The following PCDHGB5 variants were observed in gnomAD, a reference collection of about 807,000 sequenced individuals.
PCDHGB5 encodes the protein protocadherin gamma-B5.
In PCDHGB5, 48 loss-of-function variants were observed where a neutral mutation model predicts 62.9. That is an observed-to-expected ratio of 0.76 (90% CI 0.61 to 0.97). The LOEUF is 0.97. Among genes scored for constraint, PCDHGB5 ranks in the 50% least tolerant of loss-of-function variants. PCDHGB5 has a pLI of 0.00. For synonymous variants in PCDHGB5, 474 were observed against 511.2 expected, an observed-to-expected ratio of 0.93 and a Z score of 0.98; for missense variants, 1,118 against 1,198.6, an observed-to-expected ratio of 0.93 and a Z score of 0.99.
In PCDHGB5 at chr5:141,399,194, C is replaced by T. The variant is rs770516092; in HGVS notation, c.1067C>T (p.Ala356Val). 2 of 1,613,838 alleles carry T rather than the reference C, an allele frequency of 1.2e-6. No homozygotes were observed. Among genetic ancestry groups the T allele is most frequent in the South Asian group, 1.1e-5 (1 of 91,080 alleles). ...CTACTTGAAATGATTCTGGAAAACG[C>T]GGTGCCTGGAACACTAATTGCTTTG... is the stretch of plus-strand genomic sequence containing the variant. ...HSLLEMILEN[A>V]VPGTLIALIK... The change falls in exon 1 of 4, where the codon GCG becomes GTG. Residue 356 changes from alanine to valine, a missense_variant. Coordinates refer to ENST00000617380, the MANE Select transcript of PCDHGB5 (RefSeq NM_018925.3).
At chr5:141,494,768 C>T (rs758949982) in intron 1 of PCDHGB5, 39 bp from the exon 2 acceptor site, 1 of 1,614,060 alleles carries the variant, frequency 6.2e-7, no homozygotes, top group South Asian at 1.1e-5. Flanking sequence ...TCTAACTTCT[C>T]ACGGGTACTC....
chr5:141,474,505 A>G (rs2099350724), intron 1 of PCDHGB5, among the ~76,000 whole-genome samples: 2 of 152,248 alleles, frequency 1.3e-5, no homozygotes, highest in Admixed American at 6.5e-5. Context: ...AATGCCTATC[A>G]GCCCTCTTGC....
chr5:141,410,852 T>A, intron 1 of PCDHGB5: 1 of 284,264 alleles, frequency 3.5e-6, no homozygotes. Context: ...TCTTTGTCTT[T>A]TTTTTTTTTT....
At chr5:141,408,527 G>A in intron 1 of PCDHGB5, 1 of 1,614,072 alleles carries the variant, frequency 6.2e-7, no homozygotes, top group South Asian at 1.1e-5. Flanking sequence ...ATTGGAAGCT[G>A]TGGTGGAAAA....
At chr5:141,478,425 A>G (rs1454100826) in intron 1 of PCDHGB5, 1 of 1,613,542 alleles carries the variant, frequency 6.2e-7, no homozygotes, top group African/African-American at 1.3e-5. Context: ...CGCCGCAGCG[A>G]CCCGCTGCTG....
At chr5:141,459,910 A>G (rs2098977946) in intron 1 of PCDHGB5, among the ~76,000 whole-genome samples, 2 of 152,042 alleles carry the variant, frequency 1.3e-5, no homozygotes, top group Non-Finnish European at 1.5e-5. Context: ...GAGCTATGGG[A>G]GTTTTAAAAT....
chr5:141,500,176 A>ATTTT (rs1468241826), intron 2 of PCDHGB5, among the ~76,000 whole-genome samples: 91 of 145,916 alleles, frequency 6.2e-4, no homozygotes, highest in African/African-American at 2.3e-3. Context: ...CATGAGCTTC[A>ATTTT]TTTTTATTTT....
chr5:141,509,060 T>G (rs2099874519), intron 3 of PCDHGB5, among the ~76,000 whole-genome samples: 1 of 152,216 alleles, frequency 6.6e-6, no homozygotes, highest in Middle Eastern at 3.4e-3. Flanking sequence ...CAGAAAGCTC[T>G]CAGCTCCGGG....
rs376526750 is a variant in PCDHGB5 at position 141,476,593 on chromosome 5, G to T, written c.2398-18214G>T. The T allele has an allele frequency of 8.5e-5, 138 of 1,614,104 alleles. No individual in the cohort carries two copies. The highest frequency in any genetic ancestry group is 1.1e-4 in the Non-Finnish European group (133 of 1,180,044). On this transcript the variant is annotated intron_variant, in intron 1 of 3. Transcript: ENST00000617380. The surrounding 1 kb of genome is among the most constrained non-coding windows in gnomAD (Gnocchi z 7.6). ...GGACGCGCTTTCCGCTCGAGAGCGCGCACGATCCCGATGTGGGAAGCAACT... is the reference window on the plus strand; with the variant it reads ...GGACGCGCTTTCCGCTCGAGAGCGCTCACGATCCCGATGTGGGAAGCAACT...
At chr5:141,494,972 C>A in intron 2 of PCDHGB5, 107 bp downstream of exon 2, 1 of 1,581,852 alleles carries the variant, frequency 6.3e-7, no homozygotes, top group South Asian at 1.1e-5. Flanking sequence ...TGGCTTCTCC[C>A]TCAGTTTGAG....
At chr5:141,478,283 T>C (rs755297808) in intron 1 of PCDHGB5, 2 of 1,614,148 alleles carry the variant, frequency 1.2e-6, no homozygotes, top group South Asian at 2.2e-5. Context: ...GTGGAAGCAG[T>C]CTAGAGACCT....
chr5:141,450,815 A>AT (rs1554136868), intron 1 of PCDHGB5, among the ~76,000 whole-genome samples: 4,329 of 126,688 alleles, frequency 0.034, 70 homozygotes, highest in Middle Eastern at 0.091. Flanking sequence ...TATTTATTTA[A>AT]TATTATTATT....
chr5:141,447,356 C>T (rs1158878203), intron 1 of PCDHGB5, among the ~76,000 whole-genome samples: 4 of 152,000 alleles, frequency 2.6e-5, no homozygotes, highest in African/African-American at 9.7e-5. Context: ...TCAGGCTGGT[C>T]TCAAACTCCT....
At chr5:141,420,018 G>A (rs2096458708) in intron 1 of PCDHGB5, 2 of 1,613,948 alleles carry the variant, frequency 1.2e-6, no homozygotes, top group African/African-American at 1.3e-5. Flanking sequence ...CAGTCTTTCA[G>A]CCCTACTGCA....
At chr5:141,478,670 C>T (rs1413742587) in intron 1 of PCDHGB5, 28 of 1,551,664 alleles carry the variant, frequency 1.8e-5, no homozygotes, top group Non-Finnish European at 2.4e-5. Flanking sequence ...TTCACACTTT[C>T]AACTGGCCCT....
intron 1 of PCDHGB5, among the ~76,000 whole-genome samples, chr5:141,434,490 G>A (rs566645029): frequency 2.5e-4 from 38 of 152,274 alleles, no homozygotes; most frequent in Non-Finnish European, 4.9e-4. Flanking sequence ...CACCTGGCCC[G>A]CCCAGGGCAG....
At position 141,491,700 on chromosome 5, in the gene PCDHGB5, G is replaced by A. The variant is rs1199177466; in HGVS notation, c.2398-3107G>A. 3.1e-6 allele frequency: 5 copies of A among 1,611,830 alleles called. No homozygotes were observed. The highest frequency in any genetic ancestry group is 4.2e-6 in the Non-Finnish European group (5 of 1,179,142). On this transcript the variant is annotated intron_variant, in intron 1 of 3. Coordinates refer to ENST00000617380, the MANE Select transcript of PCDHGB5 (RefSeq NM_018925.3). The surrounding 1 kb of genome is among the most constrained non-coding windows in gnomAD (Gnocchi z 6.9). ...CTAATACGCTGCGGGAGCGGAGCCA[G>A]GTGAGGGGCTCGGCGCCGCCCCGGG...
At chr5:141,408,458 G>A (rs760881860) in intron 1 of PCDHGB5, 1 of 1,614,066 alleles carries the variant, frequency 6.2e-7, no homozygotes, top group Admixed American at 1.7e-5. Context: ...GGACTTACTT[G>A]TGAAGAACCG....
In PCDHGB5 at chr5:141,398,006, A is replaced by G; in HGVS notation, c.-122A>G. Reference sequence around the variant, plus strand: ...TACACCGCTTCCTCCTCGGAAAAAGAATCGTTTCCTAAACTGGAACTGGAA... The same window carrying G: ...TACACCGCTTCCTCCTCGGAAAAAGGATCGTTTCCTAAACTGGAACTGGAA... On this transcript the variant is annotated 5_prime_UTR_variant, in exon 1 of 4. Coordinates refer to ENST00000617380, the MANE Select transcript of PCDHGB5 (RefSeq NM_018925.3). 7.2e-7 allele frequency: 1 copy of G among 1,396,152 alleles called. No individual in the cohort carries two copies. 86.5% of individuals were successfully genotyped at this position (1,396,152 alleles called of 1,614,324 possible).
Sources: gnomAD v4.1 joint callset for allele counts (sites outside exome capture counted in the v4.1 genomes callset) on GRCh38, gnomAD v4.1.1 for gene constraint, Gnocchi (gnomAD v3.1) non-coding constraint, MANE v1.5 for transcripts, NCBI Gene and HGNC (gene_info 2026-07-23, HGNC 2026-07-21) for gene names.